SH3GL2: variants seen among roughly 807,000 people sequenced by gnomAD.
SH3GL2 encodes the protein endophilin-A1.
In SH3GL2, 24 loss-of-function variants were observed where a neutral mutation model predicts 46.0. The observed-to-expected ratio is 0.52, with a 90% CI of 0.38 to 0.73. The LOEUF (loss-of-function observed/expected upper bound fraction) is 0.73, where lower values mean the gene tolerates loss of function less well. SH3GL2 is among the 30% of genes least tolerant of loss of function. SH3GL2 has a pLI of 0.00. For missense variants in SH3GL2, 413 were observed against 424.2 expected, an observed-to-expected ratio of 0.97 and a Z score of 0.23; for synonymous variants, 196 against 147.1, an observed-to-expected ratio of 1.33 and a Z score of -2.40.
intron 1 of SH3GL2, among the ~76,000 whole-genome samples, chr9:17,641,815 C>T (rs1485995985): frequency 1.5e-5 from 2 of 137,860 alleles, no homozygotes; most frequent in African/African-American, 6.3e-5. Context: ...TTATTTATGC[C>T]ACATTTTCTT....
At chr9:17,786,712 A>G (rs747047888) in intron 4 of SH3GL2, among the ~76,000 whole-genome samples, 188 bp downstream of exon 4, 1 of 152,080 alleles carries the variant, frequency 6.6e-6, no homozygotes, top group Non-Finnish European at 1.5e-5. Context: ...TTATCTTACA[A>G]GTTTTCTTCC....
chr9:17,595,006 ACTTC>A (rs1818545722), intron 1 of SH3GL2, among the ~76,000 whole-genome samples: 1 of 152,190 alleles, frequency 6.6e-6, no homozygotes, highest in African/African-American at 2.4e-5. Context: ...TTTAAAATAA[ACTTC>A]CTTCATTGTA....
At chr9:17,683,312 T>C (rs1241969827) in intron 1 of SH3GL2, among the ~76,000 whole-genome samples, 4 of 152,018 alleles carry the variant, frequency 2.6e-5, no homozygotes, top group African/African-American at 9.7e-5. Context: ...AAGAATGGCA[T>C]TCTTATGGAG....
intron 2 of SH3GL2, among the ~76,000 whole-genome samples, chr9:17,758,918 C>G (rs1823089134): frequency 6.6e-6 from 1 of 152,120 alleles, no homozygotes; most frequent in African/African-American, 2.4e-5. Context: ...TCCTACTTCT[C>G]TTTTAAGATG....
At chr9:17,733,934 C>T (rs896931212) in intron 1 of SH3GL2, among the ~76,000 whole-genome samples, 1 of 151,900 alleles carries the variant, frequency 6.6e-6, no homozygotes, top group Non-Finnish European at 1.5e-5. Context: ...GAACACATGG[C>T]CTCTCACATT....
chr9:17,623,327 C>G (rs10113954), intron 1 of SH3GL2, among the ~76,000 whole-genome samples: 4,954 of 152,056 alleles, frequency 0.033, 89 homozygotes, highest in African/African-American at 0.048. Flanking sequence ...TGGCGAGGTT[C>G]AGAAAGTAGA....
intron 1 of SH3GL2, among the ~76,000 whole-genome samples, chr9:17,721,517 T>G (rs944263426): frequency 6.6e-6 from 1 of 152,174 alleles, no homozygotes; most frequent in Admixed American, 6.5e-5. Context: ...GTGTGTTCCA[T>G]TAAATGAATG....
At chr9:17,738,467 C>G (rs112285333) in intron 1 of SH3GL2, among the ~76,000 whole-genome samples, 3,860 of 134,358 alleles carry the variant, frequency 0.029, 173 homozygotes, top group African/African-American at 0.094. Flanking sequence ...GATATACATA[C>G]ATACATACTT....
At chr9:17,745,879 G>A (rs1352638078) in intron 1 of SH3GL2, among the ~76,000 whole-genome samples, 1 of 152,102 alleles carries the variant, frequency 6.6e-6, no homozygotes, top group East Asian at 1.9e-4. Flanking sequence ...ATATCTGTGT[G>A]CGATAACTTT....
At chr9:17,721,471 T>C (rs554403640) in intron 1 of SH3GL2, among the ~76,000 whole-genome samples, 10 of 152,248 alleles carry the variant, frequency 6.6e-5, no homozygotes, top group South Asian at 2.1e-4. Flanking sequence ...TTACTACATA[T>C]AATAAATATA....
intron 2 of SH3GL2, among the ~76,000 whole-genome samples, chr9:17,754,723 C>T (rs1822940729): frequency 6.6e-6 from 1 of 152,042 alleles, no homozygotes; most frequent in South Asian, 2.1e-4. Flanking sequence ...AGCTGTATTC[C>T]TAGGTATTTT....
intron 3 of SH3GL2, among the ~76,000 whole-genome samples, chr9:17,766,418 C>T (rs9406701): frequency 0.26 from 39,310 of 152,098 alleles, 5,687 homozygotes; most frequent in Middle Eastern, 0.34. Context: ...CCTATTCTTA[C>T]GATATTTGTG....
chr9:17,780,435 G>A (rs1226045535), intron 3 of SH3GL2, among the ~76,000 whole-genome samples: 1 of 150,940 alleles, frequency 6.6e-6, no homozygotes, highest in Admixed American at 6.6e-5. Flanking sequence ...GAGCATTTAG[G>A]TGTTTGCATT....
intron 2 of SH3GL2, among the ~76,000 whole-genome samples, chr9:17,758,098 T>A (rs373415159): frequency 6.6e-6 from 1 of 152,184 alleles, no homozygotes; most frequent in African/African-American, 2.4e-5. Context: ...AAAGAAAGCC[T>A]CTGATTAATG....
At chr9:17,681,739 A>C (rs144525029) in intron 1 of SH3GL2, among the ~76,000 whole-genome samples, 2 of 152,226 alleles carry the variant, frequency 1.3e-5, no homozygotes, top group Admixed American at 1.3e-4. Flanking sequence ...CTTGCACAGC[A>C]AAAGAAACTA....
intron 1 of SH3GL2, among the ~76,000 whole-genome samples, chr9:17,603,354 G>A (rs1046149554): frequency 3.3e-5 from 5 of 152,110 alleles, no homozygotes; most frequent in Non-Finnish European, 5.9e-5. Flanking sequence ...TGAGCTGTAA[G>A]GACATTAAGC....
At chr9:17,661,438 A>G (rs901736252) in intron 1 of SH3GL2, among the ~76,000 whole-genome samples, 2 of 152,206 alleles carry the variant, frequency 1.3e-5, no homozygotes, top group Non-Finnish European at 2.9e-5. Context: ...TGGTTTGAAT[A>G]AAACCAACCG....
intron 1 of SH3GL2, among the ~76,000 whole-genome samples, chr9:17,593,134 G>A (rs1342432574): frequency 6.6e-6 from 1 of 152,192 alleles, no homozygotes; most frequent in Non-Finnish European, 1.5e-5. Context: ...CTGTTCATCT[G>A]TATCCTTTTA....
rs368436353 is a variant in SH3GL2 at position 17,738,626 on chromosome 9, T to TTATATATATATATATATA, written c.46-8424_46-8423insTATATATATATATATATA. Among the ~76,000 whole-genome samples the TTATATATATATATATATA allele has an allele frequency of 8.0e-5, 6 of 74,810 alleles. 1 individual carries two copies. Among genetic ancestry groups the TTATATATATATATATATA allele is most frequent in the East Asian group, 9.3e-4 (2 of 2,148 alleles). 49.1% of individuals were successfully genotyped at this position (74,810 alleles called of 152,430 possible). A position where few individuals can be genotyped will look rare whatever the true frequency, so the allele number is the denominator to read the frequency against. ...TTTCAAGGAATTGCCTCATGTGATT[T>TTATATATATATATATATA]TATATATATATATATAGAGAGAGAG... On this transcript the variant is annotated intron_variant, in intron 1 of 8. Coordinates refer to ENST00000380607, the MANE Select transcript of SH3GL2 (RefSeq NM_003026.5).
Sources: gnomAD v4.1 joint callset for allele counts (sites outside exome capture counted in the v4.1 genomes callset) on GRCh38, gnomAD v4.1.1 for gene constraint, MANE v1.5 for transcripts, NCBI Gene and HGNC (gene_info 2026-07-23, HGNC 2026-07-21) for gene names.